FAT4: variants seen among roughly 807,000 people sequenced by gnomAD.
FAT4 encodes protocadherin Fat 4.
A neutral mutation model predicts 303.9 loss-of-function variants in FAT4; 84 were observed. That is an observed-to-expected ratio of 0.28 (90% CI 0.23 to 0.33). The LOEUF (loss-of-function observed/expected upper bound fraction) is 0.33, where lower values mean the gene tolerates loss of function less well. FAT4 is among the 10% of genes least tolerant of loss of function. The pLI is 1.00. For synonymous variants in FAT4, 2,307 were observed against 2,298.8 expected, an observed-to-expected ratio of 1.00 and a Z score of -0.10; for missense variants, 6,005 against 6,146.8, an observed-to-expected ratio of 0.98 and a Z score of 0.77.
chr4:125,420,271 C>T (rs566444926), intron 7 of FAT4, among the ~76,000 whole-genome samples: 81 of 152,126 alleles, frequency 5.3e-4, no homozygotes, highest in African/African-American at 1.7e-3. Context: ...ATCAGATTTC[C>T]AGAGAAAGTA....
rs756809322 is a variant in FAT4, at chr4:125,415,137, C to T, written c.6174C>T (p.Tyr2058=). 6 of 1,614,018 alleles carry T rather than the reference C, an allele frequency of 3.7e-6. No homozygotes were observed. The highest frequency in any genetic ancestry group is 5.1e-6 in the Non-Finnish European group (6 of 1,179,940). The change falls in exon 6 of 18, where the codon TAC becomes TAT. Residue 2058 remains tyrosine, a synonymous_variant. Coordinates refer to ENST00000394329, the MANE Select transcript of FAT4 (RefSeq NM_001291303.3). ...PPTFLSPKLT[Y]IPENTPIDTV... ...CATTTCTTTCCCCTAAATTGACATA[C>T]ATTCCAGAAAATACACCTATTGATA...
At chr4:125,446,093 A>G in intron 8 of FAT4, 200 bp from the exon 9 acceptor site, 1 of 474,888 alleles carries the variant, frequency 2.1e-6, no homozygotes, top group South Asian at 2.8e-5. Flanking sequence ...TGGACATCTC[A>G]CGATAAAGAC....
intron 7 of FAT4, among the ~76,000 whole-genome samples, chr4:125,425,635 T>C (rs1430536924): frequency 6.6e-6 from 1 of 152,116 alleles, no homozygotes; most frequent in Non-Finnish European, 1.5e-5. Flanking sequence ...TTAGATATTA[T>C]ACTATGAACG....
At chr4:125,367,391 G>C (rs903725611) in intron 2 of FAT4, among the ~76,000 whole-genome samples, 1 of 152,060 alleles carries the variant, frequency 6.6e-6, no homozygotes, top group African/African-American at 2.4e-5. Context: ...AGGTTATAGA[G>C]GGTATTTTTC....
intron 5 of FAT4, among the ~76,000 whole-genome samples, chr4:125,410,088 G>A (rs555250915): frequency 6.6e-6 from 1 of 152,120 alleles, no homozygotes; most frequent in African/African-American, 2.4e-5. Flanking sequence ...GAAGCAAAAA[G>A]GACAGTATTT....
chr4:125,322,539 C>A (rs1730994646), intron 2 of FAT4, among the ~76,000 whole-genome samples: 1 of 152,086 alleles, frequency 6.6e-6, no homozygotes, highest in Non-Finnish European at 1.5e-5. Flanking sequence ...TTTCCCTCCC[C>A]AGGCCCCTCA....
rs113133798 is a variant in FAT4, at chr4:125,455,093, C to G, written c.11800+2283C>G. 7.4e-4 allele frequency among the ~76,000 whole-genome samples: 112 copies of G among 152,206 alleles called. 1 individual carries two copies. Among genetic ancestry groups the G allele is most frequent in the African/African-American group, 2.6e-3 (106 of 41,510 alleles). On this transcript the variant is annotated intron_variant, in intron 10 of 17. Transcript: ENST00000394329. ...GAACACTTCCCTCACTCTTTCTTAC[C>G]CATCCCCAAAATTACTTTATCGGCT...
At chr4:125,325,861 C>T (rs1184803153) in intron 2 of FAT4, among the ~76,000 whole-genome samples, 3 of 152,134 alleles carry the variant, frequency 2.0e-5, no homozygotes, top group Admixed American at 2.0e-4. Context: ...AAAGTACCAC[C>T]AGTTTTACCC....
intron 2 of FAT4, among the ~76,000 whole-genome samples, chr4:125,360,164 G>A (rs139325210): frequency 1.3e-3 from 193 of 151,990 alleles, no homozygotes; most frequent in African/African-American, 4.2e-3. Context: ...ATGCCCCTTC[G>A]CAATATTTCC....
Position 125,449,716 on chromosome 4 carries a change from T to C in FAT4, c.8706T>C (p.Asp2902=). 6.2e-7 allele frequency: 1 copy of C among 1,613,932 alleles called. No homozygotes were observed. Among genetic ancestry groups the C allele is most frequent in the Middle Eastern group, 1.6e-4 (1 of 6,062 alleles). Residue 2902 remains aspartate, a synonymous_variant, in exon 10 of 18, where the codon GAT becomes GAC. Coordinates refer to ENST00000394329, the MANE Select transcript of FAT4 (RefSeq NM_001291303.3). The part of the protein sequence containing the change: ...KVTQVFATDP[D]EGSNGQVFYF... ...CTCAGGTATTTGCAACAGATCCTGATGAGGGATCAAATGGACAAGTGTTTT... is the reference window on the plus strand; with the variant it reads ...CTCAGGTATTTGCAACAGATCCTGACGAGGGATCAAATGGACAAGTGTTTT...
At chr4:125,485,952 A>T (rs1034532282) in intron 16 of FAT4, among the ~76,000 whole-genome samples, 1 of 152,212 alleles carries the variant, frequency 6.6e-6, no homozygotes, top group Non-Finnish European at 1.5e-5. Context: ...TTAAAAGTGA[A>T]GAATTATATA....
chr4:125,492,067 A>G lies in FAT4; in HGVS notation c.*299A>G, dbSNP rs1727672584. The G allele has an allele frequency of 3.2e-6, 1 of 316,286 alleles. No individual in the cohort carries two copies. Among genetic ancestry groups the G allele is most frequent in the South Asian group, 5.8e-5 (1 of 17,260 alleles). 19.6% of individuals were successfully genotyped at this position (316,286 alleles called of 1,614,324 possible). ...AGTGTTTGATTTGTGATTTTTAAAA[A>G]TTGATACCTTTACCATTGCAGAAAA... On this transcript the variant is annotated 3_prime_UTR_variant, in exon 18 of 18. Transcript: ENST00000394329.
chr4:125,414,312 A>T (rs1256110247), intron 5 of FAT4, among the ~76,000 whole-genome samples: 1 of 152,170 alleles, frequency 6.6e-6, no homozygotes, highest in Non-Finnish European at 1.5e-5. Context: ...AGTTTTATGT[A>T]TAATTTTACT....
chr4:125,403,273 G>T (rs939499680), intron 3 of FAT4, among the ~76,000 whole-genome samples: 2 of 152,010 alleles, frequency 1.3e-5, no homozygotes, highest in African/African-American at 4.8e-5. Context: ...GCTTGGAGAG[G>T]TTAAGTATGT....
chr4:125,396,284 A>G (rs1175816016), intron 2 of FAT4, among the ~76,000 whole-genome samples: 1 of 152,044 alleles, frequency 6.6e-6, no homozygotes, highest in Admixed American at 6.6e-5. Context: ...GTAGGTGTGT[A>G]TGTATCTACA....
chr4:125,450,899 G>A lies in FAT4; in HGVS notation c.9889G>A (p.Val3297Met), dbSNP rs1726038855. The A allele has an allele frequency of 1.2e-6, 2 of 1,614,130 alleles. No individual in the cohort carries two copies. Among genetic ancestry groups the A allele is most frequent in the African/African-American group, 1.3e-5 (1 of 75,060 alleles). The change falls in exon 10 of 18, where the codon GTG (valine) becomes ATG (methionine). Residue 3297 changes from valine to methionine, a missense_variant. Transcript: ENST00000394329. ...NIQLKGTNEYVPRFVSKLYYF... is the reference protein window; with the variant it reads ...NIQLKGTNEYMPRFVSKLYYF... ...ACAATTAAAAGGGACAAATGAATAT[G>A]TGCCCCGTTTTGTTTCCAAACTTTA... is the stretch of plus-strand genomic sequence containing the variant.
intron 2 of FAT4, among the ~76,000 whole-genome samples, chr4:125,336,637 A>C (rs1453590445): frequency 6.6e-6 from 1 of 151,970 alleles, no homozygotes; most frequent in East Asian, 1.9e-4. Flanking sequence ...CATTGTAAGC[A>C]ATGTCATTTT....
Position 125,321,434 on chromosome 4 carries a change from A to G in FAT4, c.5023A>G (p.Lys1675Glu). ...YYIVSVRCEE[K>E]TVGRLFTIGR... The stretch of plus-strand genomic sequence containing the variant: ...TATTGTTTCAGTTCGTTGTGAAGAA[A>G]AAACTGTTGGACGCCTCTTTACTAT... Residue 1675 changes from lysine (K) to glutamate (E), a missense_variant, in exon 2 of 18, where the codon AAA (lysine) becomes GAA (glutamate). Lys to Glu is a moderately conservative substitution (Grantham distance 56). Transcript: ENST00000394329. 1.2e-6 allele frequency: 2 copies of G among 1,614,128 alleles called. No homozygotes were observed. The highest frequency in any genetic ancestry group is 1.7e-6 in the Non-Finnish European group (2 of 1,179,994).
intron 2 of FAT4, among the ~76,000 whole-genome samples, chr4:125,327,756 C>CT (rs914323103): frequency 4.1e-4 from 63 of 152,082 alleles, no homozygotes; most frequent in African/African-American, 1.2e-3. Flanking sequence ...GATTTTAATT[C>CT]TTTTTTGTTT....
Sources: gnomAD v4.1 joint callset for allele counts (sites outside exome capture counted in the v4.1 genomes callset) on GRCh38, gnomAD v4.1.1 for gene constraint, MANE v1.5 for transcripts, NCBI Gene and HGNC (gene_info 2026-07-23, HGNC 2026-07-21) for gene names.